Variants in MOSMO observed in about 807,000 individuals in gnomAD.
MOSMO encodes the protein modulator of smoothened.
Under a neutral mutation model 18.4 loss-of-function variants are expected in MOSMO, and 5 were observed. The observed-to-expected ratio is 0.27, with a 90% CI of 0.14 to 0.57. The LOEUF (loss-of-function observed/expected upper bound fraction) is 0.57, where lower values mean the gene tolerates loss of function less well. MOSMO is among the 20% of genes least tolerant of loss of function. MOSMO has a pLI of 0.92. For synonymous variants in MOSMO, 82 were observed against 82.3 expected (o/e 1.00, Z 0.02); for missense variants, 138 against 211.8 (o/e 0.65, Z 2.16).
intron 1 of MOSMO, among the ~76,000 whole-genome samples, chr16:22,030,794 G>C (rs566821176): frequency 2.6e-4 from 39 of 152,196 alleles, no homozygotes; most frequent in Non-Finnish European, 5.6e-4. Flanking sequence ...CTCCCAAAGT[G>C]CTGGGATTAC....
chr16:22,036,298 T>C (rs1033860956), intron 1 of MOSMO, among the ~76,000 whole-genome samples: 5 of 152,016 alleles, frequency 3.3e-5, no homozygotes, highest in African/African-American at 1.2e-4. Flanking sequence ...GGCTAATTTT[T>C]GTATTTTTGT....
intron 1 of MOSMO, among the ~76,000 whole-genome samples, chr16:22,013,976 A>G (rs12930166): frequency 0.024 from 3,693 of 152,214 alleles, 75 homozygotes; most frequent in Non-Finnish European, 0.04. Flanking sequence ...AGGGGCTAAA[A>G]TATTATTTTA....
intron 1 of MOSMO, among the ~76,000 whole-genome samples, chr16:22,016,105 G>A (rs1848902517): frequency 6.6e-6 from 1 of 152,082 alleles, no homozygotes. Context: ...TAAATACTGA[G>A]TTTGTATTGG....
downstream of MOSMO, chr16:22,087,296 G>A (rs924073611): frequency 3.3e-5 from 5 of 152,134 alleles, no homozygotes; most frequent in South Asian, 2.1e-4. Flanking sequence ...GAATGGACTC[G>A]AGGATTTGAT....
intron 1 of MOSMO, among the ~76,000 whole-genome samples, chr16:22,050,468 A>G (rs1408518415): frequency 6.6e-6 from 1 of 152,164 alleles, no homozygotes; most frequent in Non-Finnish European, 1.5e-5. Context: ...GTCTCAAGAC[A>G]TGTTGATTAT....
In MOSMO at chr16:22,081,012, C is replaced by G; in HGVS notation, c.*132C>G. The stretch of plus-strand genomic sequence containing the variant: ...GGAAGATGCTCAGATGAAACTGATG[C>G]TGAGAAGGAAAAAAAAATGCTTTGG... On this transcript the variant is annotated 3_prime_UTR_variant, in exon 3 of 3. Coordinates refer to ENST00000542527, the MANE Select transcript of MOSMO (RefSeq NM_001164579.2). 1 of 373,530 alleles carries G rather than the reference C, an allele frequency of 2.7e-6. No homozygotes were observed. The highest frequency in any genetic ancestry group is 4.6e-6 in the Non-Finnish European group (1 of 219,184). 23.1% of individuals were successfully genotyped at this position (373,530 alleles called of 1,614,324 possible).
Position 22,008,348 on chromosome 16 carries a change from A to G in MOSMO, c.47A>G (p.Asp16Gly), listed in dbSNP as rs1899434372. Residue 16 changes from aspartate to glycine, a missense_variant, in exon 1 of 3, where the codon GAT (aspartate) becomes GGT (glycine). Transcript: ENST00000542527. ...TCAGGATGTCTCTTTCTGGCCGCCGATATCTTCGCCATCGCCAGCATCGCC... is the reference window on the plus strand; with the variant it reads ...TCAGGATGTCTCTTTCTGGCCGCCGGTATCTTCGCCATCGCCAGCATCGCC... Reference protein sequence around the residue: ...IISGCLFLAADIFAIASIANP... With the variant: ...IISGCLFLAAGIFAIASIANP... 1.3e-6 allele frequency: 2 copies of G among 1,533,576 alleles called. No individual in the cohort carries two copies. Among genetic ancestry groups the G allele is most frequent in the East Asian group, 4.9e-5 (2 of 40,802 alleles). 95.0% of individuals were successfully genotyped at this position (1,533,576 alleles called of 1,614,324 possible). A position where few individuals can be genotyped will look rare whatever the true frequency, so the allele number is the denominator to read the frequency against.
chr16:22,056,631 G>A (rs2141754042), intron 1 of MOSMO, among the ~76,000 whole-genome samples: 1 of 151,796 alleles, frequency 6.6e-6, no homozygotes, highest in Non-Finnish European at 1.5e-5. Context: ...TGATCCGCCT[G>A]CCTCGGCCTC....
chr16:22,057,351 C>T (rs987014902), intron 1 of MOSMO, among the ~76,000 whole-genome samples: 4 of 152,182 alleles, frequency 2.6e-5, no homozygotes, highest in African/African-American at 4.8e-5. Context: ...TCTAACATGG[C>T]GGAAGAGAGT....
chr16:22,013,987 T>C (rs778197213), intron 1 of MOSMO, among the ~76,000 whole-genome samples: 1 of 152,120 alleles, frequency 6.6e-6, no homozygotes, highest in Non-Finnish European at 1.5e-5. Flanking sequence ...TATTATTTTA[T>C]TACTAAGAAA....
chr16:22,053,819 T>A (rs1900478078), intron 1 of MOSMO, among the ~76,000 whole-genome samples: 1 of 152,062 alleles, frequency 6.6e-6, no homozygotes. Flanking sequence ...AAAGAAGTGG[T>A]TATTGCTTCA....
intron 1 of MOSMO, among the ~76,000 whole-genome samples, chr16:22,048,993 A>T (rs1170853145): frequency 1.3e-5 from 2 of 152,076 alleles, no homozygotes; most frequent in Non-Finnish European, 2.9e-5. Context: ...TCTCTGCTGT[A>T]TTCTAAATTC....
chr16:22,076,028 A>G, intron 2 of MOSMO: 1 of 248,574 alleles, frequency 4.0e-6, no homozygotes, highest in Non-Finnish European at 8.0e-6. Context: ...TATTGGTATC[A>G]TCTATCAAAA....
Position 22,047,238 on chromosome 16 carries a change from AT to A in MOSMO, c.107-28224del, listed in dbSNP as rs770005970. Reference sequence around the variant, plus strand: ...TATTCTATACTGTTTATGCACCATAATTTTTTTTTTTTTTTTTTTTTTTTTA... The same window carrying A: ...TATTCTATACTGTTTATGCACCATAATTTTTTTTTTTTTTTTTTTTTTTTA... On this transcript the variant is annotated intron_variant, in intron 1 of 2. Coordinates refer to ENST00000542527, the MANE Select transcript of MOSMO (RefSeq NM_001164579.2). Among the ~76,000 whole-genome samples the A allele has an allele frequency of 8.5e-3, 947 of 110,828 alleles. 5 individuals are homozygous for A. The highest frequency in any genetic ancestry group is 0.024 in the African/African-American group (723 of 29,830). The allele number at this position is 110,828 out of a possible 152,430, so 72.7% of individuals were successfully genotyped here.
At chr16:22,009,495 C>G (rs1447180587) in intron 1 of MOSMO, among the ~76,000 whole-genome samples, 5 of 152,128 alleles carry the variant, frequency 3.3e-5, no homozygotes, top group Non-Finnish European at 7.3e-5. Flanking sequence ...TCCCCCGCCT[C>G]TCTTTCTCCC....
chr16:22,047,263 T>TTA (rs1555521447), intron 1 of MOSMO, among the ~76,000 whole-genome samples: 19 of 147,136 alleles, frequency 1.3e-4, no homozygotes, highest in Middle Eastern at 3.6e-3. Flanking sequence ...TTTTTTTTTT[T>TTA]AGACGGAGTC....
intron 1 of MOSMO, among the ~76,000 whole-genome samples, chr16:22,055,844 A>G (rs1054292830): frequency 6.6e-5 from 10 of 152,258 alleles, no homozygotes; most frequent in African/African-American, 2.4e-4. Context: ...GCAAGCTGAT[A>G]CTTGTAGTCA....
chr16:22,090,693 C>G (rs1188732915), downstream of MOSMO, among the ~76,000 whole-genome samples: 1 of 152,176 alleles, frequency 6.6e-6, no homozygotes, highest in African/African-American at 2.4e-5. Context: ...ATGAGCTGAC[C>G]CTGATCCATT....
intron 1 of MOSMO, among the ~76,000 whole-genome samples, chr16:22,045,602 A>G (rs888050023): frequency 1.3e-5 from 2 of 152,244 alleles, no homozygotes; most frequent in Non-Finnish European, 2.9e-5. Flanking sequence ...AAATAATTGC[A>G]TAGCATATTT....
Sources: gnomAD v4.1 joint callset for allele counts (sites outside exome capture counted in the v4.1 genomes callset) on GRCh38, gnomAD v4.1.1 for gene constraint, MANE v1.5 for transcripts, NCBI Gene and HGNC (gene_info 2026-07-23, HGNC 2026-07-21) for gene names.